GRIK2: variants seen among roughly 807,000 people sequenced by gnomAD.
GRIK2 encodes glutamate ionotropic receptor kainate type subunit 2, also known as glutamate receptor ionotropic, kainate 2.
GRIK2 carries 32 observed loss-of-function variants against 100.3 expected under a neutral mutation model. The observed-to-expected ratio is 0.32, with a 90% CI of 0.24 to 0.43. The LOEUF (loss-of-function observed/expected upper bound fraction) is 0.43. Ranked by LOEUF, GRIK2 falls within the 20% of genes least tolerant of loss-of-function variation. The pLI, the probability that GRIK2 is intolerant of heterozygous loss-of-function variation, is 1.00. For synonymous variants in GRIK2, 417 were observed against 389.4 expected, an observed-to-expected ratio of 1.07 and a Z score of -0.83; for missense variants, 843 against 1,114.9, an observed-to-expected ratio of 0.76 and a Z score of 3.47.
At chr6:101,848,101 A>G (rs1783913057) in intron 10 of GRIK2, among the ~76,000 whole-genome samples, 1 of 152,058 alleles carries the variant, frequency 6.6e-6, no homozygotes, top group African/African-American at 2.4e-5. Flanking sequence ...ATGGTTTCCT[A>G]TGGTGTGTAT....
intron 2 of GRIK2, among the ~76,000 whole-genome samples, chr6:101,407,425 G>A (rs1775650699): frequency 6.6e-6 from 1 of 151,972 alleles, no homozygotes; most frequent in African/African-American, 2.4e-5. Context: ...TACCCTGGCT[G>A]CCAAAATTCA....
In GRIK2 at chr6:101,560,184, C is replaced by A. The variant is rs573742393; in HGVS notation, c.116-61765C>A. Among the ~76,000 whole-genome samples, 213 of 152,252 alleles carry A rather than the reference C, an allele frequency of 1.4e-3. 1 individual carries two copies. The highest frequency in any genetic ancestry group is 5.0e-3 in the African/African-American group (206 of 41,554). ...GTGGAAGAGCATCACTCGCCTCCAT[C>A]AGACGAGTGTCAAGAGACTGTGGTA... On this transcript the variant is annotated intron_variant, in intron 2 of 16. Transcript: ENST00000369134.
chr6:102,001,965 T>G (rs1794964718), intron 14 of GRIK2, among the ~76,000 whole-genome samples: 1 of 151,830 alleles, frequency 6.6e-6, no homozygotes, highest in South Asian at 2.1e-4. Context: ...CAAGGCTTAA[T>G]AGTTTTAATA....
At chr6:101,841,920 G>C (rs935627323) in intron 10 of GRIK2, among the ~76,000 whole-genome samples, 28 of 152,126 alleles carry the variant, frequency 1.8e-4, no homozygotes, top group Non-Finnish European at 3.7e-4. Context: ...AGGTCTGCGA[G>C]TTGAATGGAA....
intron 2 of GRIK2, among the ~76,000 whole-genome samples, chr6:101,408,617 G>A (rs1582383216): frequency 6.6e-6 from 1 of 152,104 alleles, no homozygotes; most frequent in Admixed American, 6.6e-5. Context: ...CTTGAAGGCA[G>A]TGAGGCAGGA....
At chr6:101,884,806 A>T (rs1786501629) in intron 11 of GRIK2, among the ~76,000 whole-genome samples, 2 of 152,286 alleles carry the variant, frequency 1.3e-5, no homozygotes, top group South Asian at 4.1e-4. Flanking sequence ...TTCAGCAAAC[A>T]TTTACTAAGC....
intron 16 of GRIK2, among the ~76,000 whole-genome samples, chr6:102,055,786 T>G (rs941268664): frequency 1.6e-4 from 25 of 152,080 alleles, no homozygotes. Context: ...GATTTTTTAT[T>G]TAATTTTAAT....
At chr6:101,702,280 T>A (rs1209761178) in intron 7 of GRIK2, among the ~76,000 whole-genome samples, 2 of 151,984 alleles carry the variant, frequency 1.3e-5, no homozygotes, top group Non-Finnish European at 2.9e-5. Context: ...CCATTATGTT[T>A]GGAGCTTATG....
chr6:101,678,156 C>T (rs887826278), intron 5 of GRIK2, among the ~76,000 whole-genome samples: 1 of 152,090 alleles, frequency 6.6e-6, no homozygotes, highest in Non-Finnish European at 1.5e-5. Flanking sequence ...TGGCTGCTTT[C>T]TCTAGGCTTC....
intron 7 of GRIK2, among the ~76,000 whole-genome samples, chr6:101,753,891 AATT>A (rs1429399925): frequency 7.2e-5 from 11 of 152,060 alleles, no homozygotes; most frequent in African/African-American, 2.7e-4. Flanking sequence ...TGTTAATTAA[AATT>A]ATATTAATTT....
At chr6:101,917,146 G>A (rs1789169556) in intron 12 of GRIK2, among the ~76,000 whole-genome samples, 1 of 151,594 alleles carries the variant, frequency 6.6e-6, no homozygotes, top group Admixed American at 6.6e-5. Context: ...GGCCATTTAT[G>A]GGTTAAACTA....
chr6:101,760,611 TATTTA>T (rs1777530931), intron 7 of GRIK2, among the ~76,000 whole-genome samples: 1 of 102,262 alleles, frequency 9.8e-6, no homozygotes, highest in South Asian at 3.0e-4. Context: ...TATATAATTA[TATTTA>T]ATTATATGTT....
intron 2 of GRIK2, among the ~76,000 whole-genome samples, chr6:101,415,808 A>G (rs1183782703): frequency 6.6e-6 from 1 of 152,190 alleles, no homozygotes; most frequent in Admixed American, 6.5e-5. Flanking sequence ...CCTTTGAGCA[A>G]TATGATTGGA....
intron 2 of GRIK2, among the ~76,000 whole-genome samples, chr6:101,600,061 CTT>C (rs376385717): frequency 5.4e-4 from 82 of 151,884 alleles, no homozygotes; most frequent in African/African-American, 1.9e-3. Flanking sequence ...TTTAATCTGT[CTT>C]GAGTTAATTT....
At chr6:101,951,038 A>T (rs1468625208) in intron 14 of GRIK2, among the ~76,000 whole-genome samples, 2 of 152,122 alleles carry the variant, frequency 1.3e-5, no homozygotes, top group African/African-American at 4.8e-5. Flanking sequence ...GTTGTGTGTC[A>T]GTTCCAATGT....
At chr6:101,394,159 G>C (rs561685007) in intron 1 of GRIK2, among the ~76,000 whole-genome samples, 1 of 152,180 alleles carries the variant, frequency 6.6e-6, no homozygotes, top group African/African-American at 2.4e-5. Flanking sequence ...GGACTCACGC[G>C]AGGCGAAGAG....
chr6:101,693,691 G>A (rs974262484), intron 7 of GRIK2, among the ~76,000 whole-genome samples: 11 of 151,696 alleles, frequency 7.3e-5, no homozygotes, highest in South Asian at 2.1e-4. Flanking sequence ...GGCAAATTGT[G>A]AGCAGATAGA....
In GRIK2 at chr6:101,692,015, A is replaced by G. The variant is rs1239689316; in HGVS notation, c.951+5662A>G. On this transcript the variant is annotated intron_variant, in intron 7 of 16. Coordinates refer to ENST00000369134, the MANE Select transcript of GRIK2 (RefSeq NM_021956.5). The stretch of plus-strand genomic sequence containing the variant: ...TGCAGTGAACAGTGTTCACCCAGCT[A>G]AACTCCAACGTAACACCCCGTCTCA... Among the ~76,000 whole-genome samples the G allele has an allele frequency of 2.8e-5, 4 of 140,800 alleles. No homozygotes were observed. In the Middle Eastern group the frequency reaches 0.011, roughly 388 times the overall value. The allele number at this position is 140,800 out of a possible 152,430, so 92.4% of individuals were successfully genotyped here. A position where few individuals can be genotyped will look rare whatever the true frequency, so the allele number is the denominator to read the frequency against.
intron 2 of GRIK2, among the ~76,000 whole-genome samples, chr6:101,435,831 C>T (rs1311941542): frequency 6.6e-6 from 1 of 152,066 alleles, no homozygotes; most frequent in Admixed American, 6.6e-5. Flanking sequence ...CAAGTTTAAT[C>T]ATTTTTTCAG....
Sources: gnomAD v4.1 joint callset for allele counts (sites outside exome capture counted in the v4.1 genomes callset) on GRCh38, gnomAD v4.1.1 for gene constraint, MANE v1.5 for transcripts, NCBI Gene and HGNC (gene_info 2026-07-23, HGNC 2026-07-21) for gene names.